Variants in WWTR1 observed in about 807,000 individuals in gnomAD.
WWTR1 encodes WW domain containing transcription regulator 1.
In WWTR1, 13 loss-of-function variants were observed where a neutral mutation model predicts 40.1. The ratio of observed to expected loss-of-function variants is 0.32; its 90% CI spans 0.21 to 0.52. The LOEUF is 0.52. Ranked by LOEUF, WWTR1 falls within the 20% of genes least tolerant of loss-of-function variation. The probability of loss-of-function intolerance (pLI) is 0.97; values close to 1 mark genes in which losing one functional copy is unlikely to be tolerated. For missense variants in WWTR1, 436 were observed against 523.1 expected, an observed-to-expected ratio of 0.83 and a Z score of 1.63; for synonymous variants, 230 against 210.1, an observed-to-expected ratio of 1.09 and a Z score of -0.82.
intron 2 of WWTR1, among the ~76,000 whole-genome samples, chr3:149,669,602 C>G (rs1713988685): frequency 6.6e-6 from 1 of 152,150 alleles, no homozygotes; most frequent in Non-Finnish European, 1.5e-5. Context: ...TGAAAACAGA[C>G]AAAGGTAGAC....
At chr3:149,636,966 G>GAAA (rs397950107) in intron 2 of WWTR1, among the ~76,000 whole-genome samples, 599 of 42,766 alleles carry the variant, frequency 0.014, 7 homozygotes, top group Non-Finnish European at 0.016. Flanking sequence ...TGTCTCAAGT[G>GAAA]AAAAAAAAAA....
At chr3:149,532,601 A>G (rs1015079770) in intron 4 of WWTR1, among the ~76,000 whole-genome samples, 1 of 152,172 alleles carries the variant, frequency 6.6e-6, no homozygotes. Context: ...ATACTTCCCT[A>G]TTCCAACTCA....
At chr3:149,687,146 A>G (rs2108209539) in intron 1 of WWTR1, among the ~76,000 whole-genome samples, 1 of 152,208 alleles carries the variant, frequency 6.6e-6, no homozygotes, top group South Asian at 2.1e-4. Flanking sequence ...TATCTTACCC[A>G]TATTACCTTT....
chr3:149,654,145 C>T (rs940923783), intron 2 of WWTR1, among the ~76,000 whole-genome samples: 9 of 150,180 alleles, frequency 6.0e-5, no homozygotes, highest in African/African-American at 2.2e-4. Context: ...AAAAATGTAT[C>T]TGCTAGCCTC....
intron 2 of WWTR1, among the ~76,000 whole-genome samples, chr3:149,654,010 CT>C (rs1713055828): frequency 6.6e-6 from 1 of 152,048 alleles, no homozygotes; most frequent in African/African-American, 2.4e-5. Context: ...TAGCTCATGC[CT>C]GTAATCCAAG....
At chr3:149,590,137 T>C (rs1576582474) in intron 2 of WWTR1, among the ~76,000 whole-genome samples, 1 of 152,274 alleles carries the variant, frequency 6.6e-6, no homozygotes, top group East Asian at 1.9e-4. Context: ...AATAAATGTA[T>C]GTTGAATGAA....
At chr3:149,722,206 T>G (rs1715771661) in intron 4 of WWTR1, among the ~76,000 whole-genome samples, 1 of 152,072 alleles carries the variant, frequency 6.6e-6, no homozygotes, top group Non-Finnish European at 1.5e-5. Flanking sequence ...ATTCTTCTAT[T>G]ATTTTCCTCT....
At chr3:149,650,859 G>A (rs1712827072) in intron 2 of WWTR1, among the ~76,000 whole-genome samples, 1 of 152,158 alleles carries the variant, frequency 6.6e-6, no homozygotes, top group East Asian at 1.9e-4. Context: ...ACTTAAAACT[G>A]ACTTTCAACT....
At chr3:149,586,392 C>T (rs192154674) in intron 2 of WWTR1, among the ~76,000 whole-genome samples, 456 of 151,698 alleles carry the variant, frequency 3.0e-3, no homozygotes, top group African/African-American at 0.01. Context: ...CTGTAACACT[C>T]GCAAGATAAA....
chr3:149,538,166 C>T (rs868097538), intron 4 of WWTR1, among the ~76,000 whole-genome samples: 7 of 152,156 alleles, frequency 4.6e-5, no homozygotes, highest in Non-Finnish European at 5.9e-5. Flanking sequence ...GTGATCTGCC[C>T]GCCTTGGCTT....
intron 2 of WWTR1, among the ~76,000 whole-genome samples, chr3:149,601,480 G>A (rs1196047394): frequency 1.3e-5 from 2 of 152,160 alleles, no homozygotes. Flanking sequence ...TTATAGGCAT[G>A]AGGCACCACA....
rs191331748 is a variant in WWTR1, at chr3:149,633,057, T to G, written c.431+23819A>C. On this transcript the variant is annotated intron_variant, in intron 2 of 6. Coordinates refer to ENST00000360632, the MANE Select transcript of WWTR1 (RefSeq NM_015472.6). ...GAATTACACACTTAAAATGAGTGAA[T>G]TATGTGCTGTGTAAATTATATATCA... Among the ~76,000 whole-genome samples, 186 of 152,330 alleles carry G rather than the reference T, an allele frequency of 1.2e-3. 1 individual carries two copies. Among genetic ancestry groups the G allele is most frequent in the Middle Eastern group, 3.4e-3 (1 of 294 alleles).
chr3:149,711,320 A>T (rs1342989472), intron 5 of WWTR1, among the ~76,000 whole-genome samples: 1 of 152,148 alleles, frequency 6.6e-6, no homozygotes, highest in Non-Finnish European at 1.5e-5. Context: ...AAAAATTATT[A>T]AGTTGAATTA....
intron 2 of WWTR1, among the ~76,000 whole-genome samples, chr3:149,587,290 T>C (rs1204422416): frequency 6.6e-6 from 1 of 152,086 alleles, no homozygotes; most frequent in Non-Finnish European, 1.5e-5. Context: ...GGATGGTGTG[T>C]GAGGGTAAAA....
chr3:149,605,513 A>G (rs1055149577), intron 2 of WWTR1, among the ~76,000 whole-genome samples: 5 of 152,216 alleles, frequency 3.3e-5, no homozygotes, highest in Admixed American at 6.5e-5. Context: ...ACTGAGTTCC[A>G]TAACAACGGA....
intron 2 of WWTR1, among the ~76,000 whole-genome samples, chr3:149,584,421 A>G (rs1738309253): frequency 6.6e-6 from 1 of 152,146 alleles, no homozygotes; most frequent in Admixed American, 6.5e-5. Context: ...CTTTTTGCAC[A>G]TGTTTGAAAG....
intron 3 of WWTR1, among the ~76,000 whole-genome samples, chr3:149,551,211 C>T (rs1221944301): frequency 1.4e-5 from 2 of 144,116 alleles, no homozygotes; most frequent in African/African-American, 5.3e-5. Flanking sequence ...GCAGGAGAAT[C>T]GTTTGAACCC....
chr3:149,718,119 AGACTATTTTTTAAAGTCTATGT>A (rs1251406600), intron 4 of WWTR1, among the ~76,000 whole-genome samples: 3 of 152,184 alleles, frequency 2.0e-5, no homozygotes, highest in Non-Finnish European at 1.5e-5. Context: ...CAGACCCCAG[AGACTATTTTTTAAAGTCTATGT>A]GACTATTAGA....
Position 149,551,722 on chromosome 3 carries a change from C to T in WWTR1, c.569-9185G>A, listed in dbSNP as rs528725556. On this transcript the variant is annotated intron_variant, in intron 3 of 6. Transcript: ENST00000360632. Reference sequence around the variant, plus strand: ...AATGGGATGGTTTTTCACTCCAGGCCTATGGCCATCCATAGACCTAGGGCT... The same window carrying T: ...AATGGGATGGTTTTTCACTCCAGGCTTATGGCCATCCATAGACCTAGGGCT... Among the ~76,000 whole-genome samples, 7 of 145,542 alleles carry T rather than the reference C, an allele frequency of 4.8e-5. 1 individual carries two copies. In the East Asian group the frequency reaches 1.4e-3, roughly 30 times the overall value.
Sources: allele counts gnomAD v4.1 joint callset (sites outside exome capture counted in the v4.1 genomes callset), GRCh38; gene constraint gnomAD v4.1.1; transcripts MANE v1.5; gene names NCBI Gene and HGNC (gene_info 2026-07-23, HGNC 2026-07-21).